The following PRKG1 variants were observed in gnomAD, a reference collection of about 807,000 sequenced individuals.
The protein encoded by PRKG1 is protein kinase cGMP-dependent 1, also known as cGMP-dependent protein kinase 1.
PRKG1 carries 35 observed loss-of-function variants against 88.1 expected under a neutral mutation model. That is an observed-to-expected ratio of 0.40 (90% confidence interval 0.30 to 0.53). The LOEUF is 0.53. Among genes scored for constraint, PRKG1 ranks in the 20% least tolerant of loss-of-function variants. The pLI is 0.59. For missense variants in PRKG1, 540 were observed against 839.8 expected, an observed-to-expected ratio of 0.64 and a Z score of 4.41; for synonymous variants, 303 against 292.5, an observed-to-expected ratio of 1.04 and a Z score of -0.37.
chr10:51,414,806 A>G (rs1467041367), intron 2 of PRKG1, among the ~76,000 whole-genome samples: 1 of 152,208 alleles, frequency 6.6e-6, no homozygotes, highest in Non-Finnish European at 1.5e-5. Flanking sequence ...CTCACACCAC[A>G]TAATTCTTTT....
At chr10:52,102,632 A>G (rs1847322011) in intron 7 of PRKG1, among the ~76,000 whole-genome samples, 1 of 150,660 alleles carries the variant, frequency 6.6e-6, no homozygotes. Context: ...AGGGGTTTCA[A>G]GATAGGGATC....
rs35340011 is a variant in PRKG1 at position 52,239,345 on chromosome 10, TA to T, written c.1077-12213del. On this transcript the variant is annotated intron_variant, in intron 9 of 17. Coordinates refer to ENST00000373980, the MANE Select transcript of PRKG1 (RefSeq NM_006258.4). ...ATAAAAAAAAATAAATAAATAAAAT[TA>T]AAAAAAAAAAAGAGATTCCTTTTTT... Among the ~76,000 whole-genome samples, 556 of 139,694 alleles carry T rather than the reference TA, an allele frequency of 4.0e-3. 3 individuals are homozygous for T. Among genetic ancestry groups the T allele is most frequent in the African/African-American group, 0.014 (518 of 38,226 alleles). The allele number at this position is 139,694 out of a possible 152,430, so 91.6% of individuals were successfully genotyped here. A position where few individuals can be genotyped will look rare whatever the true frequency, so the allele number is the denominator to read the frequency against.
At chr10:51,618,851 T>A (rs561794168) in intron 3 of PRKG1, among the ~76,000 whole-genome samples, 1 of 151,932 alleles carries the variant, frequency 6.6e-6, no homozygotes, top group Admixed American at 6.6e-5. Flanking sequence ...TTACTGCAAC[T>A]TCCGCCTCCT....
At chr10:51,589,247 A>G (rs541022424) in intron 3 of PRKG1, among the ~76,000 whole-genome samples, 60 of 152,310 alleles carry the variant, frequency 3.9e-4, no homozygotes, top group Non-Finnish European at 7.6e-4. Context: ...ACAAGGGGGA[A>G]AAACCTGCCA....
intron 5 of PRKG1, among the ~76,000 whole-genome samples, chr10:51,993,764 T>C (rs544648792): frequency 5.3e-5 from 8 of 152,342 alleles, no homozygotes; most frequent in Non-Finnish European, 1.2e-4. Context: ...AGTGTTTTGA[T>C]TTACATGACA....
At chr10:51,159,700 T>C (rs548784382) in intron 2 of PRKG1, among the ~76,000 whole-genome samples, 1 of 152,230 alleles carries the variant, frequency 6.6e-6, no homozygotes, top group East Asian at 1.9e-4. Flanking sequence ...GAAAGGACTT[T>C]AATATACTTG....
chr10:52,258,123 T>C lies in PRKG1; in HGVS notation c.1173+6457T>C, dbSNP rs1173984104. On this transcript the variant is annotated intron_variant, in intron 10 of 17. Coordinates refer to ENST00000373980, the MANE Select transcript of PRKG1 (RefSeq NM_006258.4). ...AGAAATTTTATATATTAGCAATCAA[T>C]TGAAATGCCTATTTTTTCTTACAAG... is the stretch of plus-strand genomic sequence containing the variant. 3.6e-5 allele frequency among the ~76,000 whole-genome samples: 5 copies of C among 139,500 alleles called. 1 individual carries two copies. The highest frequency in any genetic ancestry group is 1.2e-4 in the African/African-American group (5 of 40,390). The allele number at this position is 139,500 out of a possible 152,430, so 91.5% of individuals were successfully genotyped here. A position where few individuals can be genotyped will look rare whatever the true frequency, so the allele number is the denominator to read the frequency against.
rs541740211 is a variant in PRKG1, at chr10:52,025,301, C to T, written c.763-29183C>T. Among the ~76,000 whole-genome samples the T allele has an allele frequency of 6.6e-5, 10 of 152,200 alleles. No homozygotes were observed. The South Asian group carries it at 1.5e-3, about 22-fold the overall frequency. On this transcript the variant is annotated intron_variant, in intron 5 of 17. Coordinates refer to ENST00000373980, the MANE Select transcript of PRKG1 (RefSeq NM_006258.4). ...TGCCTGTTCATTCTGATGGTAGTTT[C>T]TTTTGCTGTGCAGAAGCTCTTTAGT...
intron 5 of PRKG1, among the ~76,000 whole-genome samples, chr10:51,933,989 G>T (rs1842750109): frequency 6.6e-6 from 1 of 152,064 alleles, no homozygotes; most frequent in Non-Finnish European, 1.5e-5. Flanking sequence ...CAAATATTTT[G>T]TTTTGAGTGA....
intron 2 of PRKG1, among the ~76,000 whole-genome samples, chr10:51,331,671 C>T (rs907462916): frequency 6.6e-6 from 1 of 152,128 alleles, no homozygotes; most frequent in Non-Finnish European, 1.5e-5. Flanking sequence ...GACCTCTTAC[C>T]TGGGTTCCTT....
chr10:51,662,325 A>G (rs1024407867), intron 3 of PRKG1, among the ~76,000 whole-genome samples: 8 of 152,158 alleles, frequency 5.3e-5, no homozygotes, highest in African/African-American at 1.9e-4. Context: ...GTCATTATGA[A>G]TTATGTAGAA....
chr10:51,142,207 T>C (rs760472052), intron 1 of PRKG1, among the ~76,000 whole-genome samples: 2 of 152,176 alleles, frequency 1.3e-5, no homozygotes, highest in East Asian at 1.9e-4. Flanking sequence ...AATCCATTGC[T>C]GAATTCAAGA....
intron 4 of PRKG1, among the ~76,000 whole-genome samples, chr10:51,846,998 G>A (rs954794326): frequency 3.9e-5 from 6 of 152,080 alleles, no homozygotes; most frequent in African/African-American, 1.4e-4. Flanking sequence ...AAATAAAGTA[G>A]ATCAAGTAGG....
chr10:51,451,210 A>C (rs754794606), intron 2 of PRKG1, among the ~76,000 whole-genome samples: 3 of 151,912 alleles, frequency 2.0e-5, no homozygotes, highest in Non-Finnish European at 2.9e-5. Flanking sequence ...AATAACTACC[A>C]TGAGTTTAAG....
intron 10 of PRKG1, among the ~76,000 whole-genome samples, chr10:52,262,999 A>G (rs1841470219): frequency 6.6e-6 from 1 of 152,174 alleles, no homozygotes; most frequent in Non-Finnish European, 1.5e-5. Context: ...GTGGATGCAG[A>G]ACCTACAGAT....
intron 7 of PRKG1, among the ~76,000 whole-genome samples, chr10:52,111,932 G>C (rs560075523): frequency 2.2e-4 from 34 of 152,222 alleles, no homozygotes; most frequent in African/African-American, 7.7e-4. Context: ...GCTTATGATA[G>C]TGCCTGTCTT....
intron 2 of PRKG1, among the ~76,000 whole-genome samples, chr10:51,312,514 T>C (rs901477129): frequency 2.0e-5 from 3 of 152,138 alleles, no homozygotes; most frequent in Non-Finnish European, 4.4e-5. Context: ...ATAAATCTGA[T>C]TAATGTGCAC....
intron 4 of PRKG1, among the ~76,000 whole-genome samples, chr10:51,862,606 T>C (rs1430882768): frequency 6.6e-6 from 1 of 152,064 alleles, no homozygotes; most frequent in East Asian, 1.9e-4. Context: ...GGTCCATGGA[T>C]GGGCCTGGAA....
chr10:51,178,634 T>C (rs890182945), intron 2 of PRKG1, among the ~76,000 whole-genome samples: 3 of 152,114 alleles, frequency 2.0e-5, no homozygotes, highest in Non-Finnish European at 4.4e-5. Flanking sequence ...GAGAACCCTG[T>C]CTCAAAAAAT....
Sources: gnomAD v4.1 joint callset for allele counts (sites outside exome capture counted in the v4.1 genomes callset) on GRCh38, gnomAD v4.1.1 for gene constraint, MANE v1.5 for transcripts, NCBI Gene and HGNC (gene_info 2026-07-23, HGNC 2026-07-21) for gene names.